Variants in DLC1 observed in about 807,000 individuals in gnomAD.
DLC1 encodes the protein rho GTPase-activating protein 7.
DLC1 carries 54 observed loss-of-function variants against 140.3 expected under a neutral mutation model. The observed-to-expected ratio is 0.38, with a 90% confidence interval of 0.31 to 0.48. The LOEUF (loss-of-function observed/expected upper bound fraction) is 0.48, where lower values mean the gene tolerates loss of function less well. Ranked by LOEUF, DLC1 falls within the 20% of genes least tolerant of loss-of-function variation. DLC1 has a pLI of 0.96. For missense variants in DLC1, 2,536 were observed against 1,907.0 expected (o/e 1.33, Z -6.14); for synonymous variants, 986 against 728.1 (o/e 1.35, Z -5.70).
chr8:13,484,534 A>T (rs1428141871), intron 2 of DLC1, among the ~76,000 whole-genome samples: 1 of 152,138 alleles, frequency 6.6e-6, no homozygotes, highest in Non-Finnish European at 1.5e-5. Flanking sequence ...CTTCAAAGTA[A>T]ATTGGCTTTT....
chr8:13,227,354 C>G (rs1009759862), intron 5 of DLC1, among the ~76,000 whole-genome samples: 1 of 152,130 alleles, frequency 6.6e-6, no homozygotes, highest in African/African-American at 2.4e-5. Context: ...AGCCCAAATC[C>G]AGATCATTTA....
At chr8:13,289,248 C>G (rs1831661513) in intron 5 of DLC1, among the ~76,000 whole-genome samples, 1 of 152,160 alleles carries the variant, frequency 6.6e-6, no homozygotes, top group African/African-American at 2.4e-5. Flanking sequence ...GTCACCCAGG[C>G]TGGCATGCAG....
intron 5 of DLC1, among the ~76,000 whole-genome samples, chr8:13,246,078 G>C (rs570605686): frequency 6.6e-6 from 1 of 152,096 alleles, no homozygotes; most frequent in Non-Finnish European, 1.5e-5. Context: ...AACCAGGGTG[G>C]TGGTCCTGAG....
chr8:13,377,671 T>A (rs372409076), intron 4 of DLC1, among the ~76,000 whole-genome samples: 1 of 152,114 alleles, frequency 6.6e-6, no homozygotes, highest in Non-Finnish European at 1.5e-5. Context: ...CTGAAACGTC[T>A]ATATTTTCAT....
At chr8:13,600,220 T>C (rs931480273) in intron 1 of DLC1, among the ~76,000 whole-genome samples, 1 of 151,944 alleles carries the variant, frequency 6.6e-6, no homozygotes, top group Admixed American at 6.6e-5. Context: ...TGAAGAGACA[T>C]ACCTGTTTCT....
intron 1 of DLC1, among the ~76,000 whole-genome samples, chr8:13,509,755 C>T (rs1802268557): frequency 6.6e-6 from 1 of 152,094 alleles, no homozygotes; most frequent in South Asian, 2.1e-4. Flanking sequence ...CAAATACATA[C>T]TGGTGGGCAG....
chr8:13,463,865 AC>A (rs1799800286), intron 2 of DLC1, among the ~76,000 whole-genome samples: 1 of 152,194 alleles, frequency 6.6e-6, no homozygotes, highest in South Asian at 2.1e-4. Flanking sequence ...TCAAGGGGAC[AC>A]GAAAGAGCTC....
intron 2 of DLC1, among the ~76,000 whole-genome samples, 178 bp from the exon 3 acceptor site, chr8:13,401,797 G>A (rs1412171049): frequency 6.6e-6 from 1 of 152,092 alleles, no homozygotes; most frequent in African/African-American, 2.4e-5. Flanking sequence ...CTGACCTAGT[G>A]CCAAGAAAGC....
intron 5 of DLC1, among the ~76,000 whole-genome samples, chr8:13,224,335 A>G (rs1235752985): frequency 6.6e-6 from 1 of 152,220 alleles, no homozygotes; most frequent in African/African-American, 2.4e-5. Context: ...GCTGAGGAGC[A>G]GATTTCAGTC....
At chr8:13,552,111 G>GTATATGTA (rs1554542385) in intron 1 of DLC1, among the ~76,000 whole-genome samples, 2 of 54,534 alleles carry the variant, frequency 3.7e-5, no homozygotes, top group Non-Finnish European at 6.6e-5. Flanking sequence ...GTCTAGAGGT[G>GTATATGTA]TATATATATA....
chr8:13,562,192 A>G (rs1324062147), intron 1 of DLC1, among the ~76,000 whole-genome samples: 8 of 152,166 alleles, frequency 5.3e-5, no homozygotes, highest in Admixed American at 5.2e-4. Context: ...AAACTAGTGT[A>G]AACAATCCAA....
At chr8:13,545,781 G>C (rs1299369230) in intron 1 of DLC1, among the ~76,000 whole-genome samples, 1 of 151,982 alleles carries the variant, frequency 6.6e-6, no homozygotes, top group Non-Finnish European at 1.5e-5. Context: ...CCTATCTTTT[G>C]TTTGTGATGT....
chr8:13,354,788 T>TA (rs879020833), intron 4 of DLC1, among the ~76,000 whole-genome samples: 1,706 of 143,294 alleles, frequency 0.012, 33 homozygotes, highest in African/African-American at 0.036. Context: ...CTACAAAAAA[T>TA]AAAAAAAAAA....
chr8:13,186,799 T>C (rs1281301319), intron 5 of DLC1, among the ~76,000 whole-genome samples: 2 of 152,228 alleles, frequency 1.3e-5, no homozygotes, highest in Non-Finnish European at 2.9e-5. Context: ...TATCTACCTT[T>C]GGACTTTGAT....
chr8:13,510,068 C>T (rs2117247130), intron 1 of DLC1, among the ~76,000 whole-genome samples: 1 of 152,110 alleles, frequency 6.6e-6, no homozygotes, highest in African/African-American at 2.4e-5. Context: ...CTGCAGAATC[C>T]AGGGCTGAGT....
intron 5 of DLC1, among the ~76,000 whole-genome samples, chr8:13,178,449 C>T (rs909501946): frequency 1.3e-5 from 2 of 151,732 alleles, no homozygotes; most frequent in African/African-American, 4.8e-5. Context: ...GTAGTTCCTC[C>T]TAGTTCCACC....
At chr8:13,576,657 G>A (rs13281503) in intron 1 of DLC1, among the ~76,000 whole-genome samples, 34,976 of 152,022 alleles carry the variant, frequency 0.23, 4,751 homozygotes, top group East Asian at 0.32. Context: ...CCTATGTGCA[G>A]AGAAATGCCT....
intron 1 of DLC1, among the ~76,000 whole-genome samples, chr8:13,582,976 T>A (rs1480152909): frequency 6.7e-6 from 1 of 148,912 alleles, no homozygotes; most frequent in Non-Finnish European, 1.5e-5. Flanking sequence ...AATACTTTAT[T>A]GCTGAAAATG....
At chr8:13,430,143 C>T (rs769772113) in intron 2 of DLC1, among the ~76,000 whole-genome samples, 2 of 152,128 alleles carry the variant, frequency 1.3e-5, no homozygotes, top group East Asian at 1.9e-4. Flanking sequence ...CAAAGGAAAG[C>T]CAAGGTTCCT....
Sources: allele counts gnomAD v4.1 joint callset (sites outside exome capture counted in the v4.1 genomes callset), GRCh38; gene constraint gnomAD v4.1.1; transcripts MANE v1.5; gene names NCBI Gene and HGNC (gene_info 2026-07-23, HGNC 2026-07-21).